The following EXOC3L4 variants were observed in gnomAD, a reference collection of about 807,000 sequenced individuals.
EXOC3L4 encodes the protein exocyst complex component 3-like protein 4.
Under a neutral mutation model 69.7 loss-of-function variants are expected in EXOC3L4, and 62 were observed. The ratio of observed to expected loss-of-function variants is 0.89; its 90% CI spans 0.72 to 1.10. The LOEUF is 1.10. Among genes scored for constraint, EXOC3L4 ranks in the 50% least tolerant of loss-of-function variants. The pLI, the probability that EXOC3L4 is intolerant of heterozygous loss-of-function variation, is 0.00. For synonymous variants in EXOC3L4, 502 were observed against 464.2 expected, an observed-to-expected ratio of 1.08 and a Z score of -1.05; for missense variants, 1,087 against 1,034.8, an observed-to-expected ratio of 1.05 and a Z score of -0.69.
chr14:103,107,570 G>A, intron 9 of EXOC3L4, 27 bp downstream of exon 9: 3 of 1,612,778 alleles, frequency 1.9e-6, no homozygotes, highest in South Asian at 1.1e-5. Flanking sequence ...GGCCCTGGCA[G>A]GGCTGTGCCC....
At chr14:103,103,797 CGTGTGTGTGTGTGT>C (rs56147384) in intron 3 of EXOC3L4, 130 bp from the exon 4 acceptor site, 11 of 433,640 alleles carry the variant, frequency 2.5e-5, no homozygotes, top group Non-Finnish European at 4.0e-5. Flanking sequence ...GGCGCGCGCG[CGTGTGTGTGTGTGT>C]GTGTGTGTGT....
intron 5 of EXOC3L4, 107 bp downstream of exon 5, chr14:103,104,496 TA>T (rs1890420183): frequency 7.2e-7 from 1 of 1,389,692 alleles, no homozygotes; most frequent in Admixed American, 3.2e-5. Flanking sequence ...ACCCTTCCGT[TA>T]GATGGGAGCC....
Position 103,104,772 on chromosome 14 carries a change from T to C in EXOC3L4, c.1319T>C (p.Ile440Thr). ...VAEHVKAAGA[I>T]SAELEATTLR... ...GAGCACGTGAAGGCGGCCGGCGCCA[T>C]CTCCGCGGAGCTGGAGGCCACCACC... Residue 440 changes from isoleucine to threonine, a missense_variant, in exon 6 of 12, where the codon ATC becomes ACC. By Grantham distance (89) the Ile-to-Thr change is moderately conservative. Transcript: ENST00000688303. 1 of 1,524,328 alleles carries C rather than the reference T, an allele frequency of 6.6e-7. No homozygotes were observed. The highest frequency in any genetic ancestry group is 2.1e-5 in the Admixed American group (1 of 48,686). 94.4% of individuals were successfully genotyped at this position (1,524,328 alleles called of 1,614,324 possible).
chr14:103,107,930 G>A, intron 10 of EXOC3L4, 147 bp downstream of exon 10: 2 of 1,240,302 alleles, frequency 1.6e-6, no homozygotes, highest in Non-Finnish European at 2.2e-6. Flanking sequence ...CGCCTGTGGG[G>A]CTGGGGGGTG....
chr14:103,096,346 C>A (rs1889882929), intron 1 of EXOC3L4, among the ~76,000 whole-genome samples: 2 of 150,714 alleles, frequency 1.3e-5, no homozygotes, highest in Non-Finnish European at 2.9e-5. Flanking sequence ...AGTGACACAG[C>A]GAGACCTCGT....
At position 103,110,475 on chromosome 14, in the gene EXOC3L4, G is replaced by A. The variant is rs370794860; in HGVS notation, c.*252G>A. On this transcript the variant is annotated 3_prime_UTR_variant, in exon 12 of 12. Transcript: ENST00000688303. ...AATGCTGCCTATCGGGCGGGGGGGG[G>A]CCTCCCGCCCGACTGTCCAGCTTCA... 2.8e-5 allele frequency: 16 copies of A among 580,180 alleles called. No individual in the cohort carries two copies. Among genetic ancestry groups the A allele is most frequent in the African/African-American group, 5.8e-5 (3 of 51,914 alleles). 35.9% of individuals were successfully genotyped at this position (580,180 alleles called of 1,614,324 possible). A position where few individuals can be genotyped will look rare whatever the true frequency, so the allele number is the denominator to read the frequency against.
At position 103,106,781 on chromosome 14, in the gene EXOC3L4, C is replaced by T. The variant is rs1474696174; in HGVS notation, c.1467-4C>T. The stretch of plus-strand genomic sequence containing the variant: ...CCTCATCGCTGGTCCTGGCCCCTCC[C>T]CAGGACCAGTCTTCTCTCCAGGTTC... On this transcript the variant is annotated splice_polypyrimidine_tract_variant and splice_region_variant and intron_variant, in intron 7 of 11. Coordinates refer to ENST00000688303, the MANE Select transcript of EXOC3L4 (RefSeq NM_001077594.2). 3 of 1,567,142 alleles carry T rather than the reference C, an allele frequency of 1.9e-6. No homozygotes were observed. Among genetic ancestry groups the T allele is most frequent in the African/African-American group, 1.3e-5 (1 of 74,168 alleles).
intron 11 of EXOC3L4, 114 bp downstream of exon 11, chr14:103,108,631 G>T (rs41301467): frequency 1.4e-6 from 2 of 1,423,082 alleles, no homozygotes; most frequent in Admixed American, 2.1e-5. Flanking sequence ...AAGACCAGAG[G>T]CAGGAGGTAG....
At chr14:103,100,641 A>T (rs1464800476) in intron 2 of EXOC3L4, 28 bp downstream of exon 2, 1 of 1,578,646 alleles carries the variant, frequency 6.3e-7, no homozygotes. Flanking sequence ...AACACGAAGC[A>T]TGAAAGGAAA....
At chr14:103,102,793 C>T (rs1176767396) in intron 3 of EXOC3L4, 21 bp downstream of exon 3, 3 of 1,324,730 alleles carry the variant, frequency 2.3e-6, no homozygotes, top group East Asian at 3.1e-5. Flanking sequence ...GCCAGGGCGC[C>T]CAGTGGCGAG....
rs1420929690 is a variant in EXOC3L4, at chr14:103,104,064, C to T, written c.1161+12C>T. 5 of 1,546,282 alleles carry T rather than the reference C, an allele frequency of 3.2e-6. No individual in the cohort carries two copies. The Admixed American group carries it at 5.7e-5, about 18-fold the overall frequency. ...CCAGCTTCCTGGAGGTCAGGCCGGGCGGGTCAGGCTGGGCGGGCCAGGCTG... is the reference window on the plus strand; with the variant it reads ...CCAGCTTCCTGGAGGTCAGGCCGGGTGGGTCAGGCTGGGCGGGCCAGGCTG... On this transcript the variant is annotated intron_variant, in intron 4 of 11. Coordinates refer to ENST00000688303, the MANE Select transcript of EXOC3L4 (RefSeq NM_001077594.2).
chr14:103,104,441 A>G, intron 5 of EXOC3L4, 52 bp downstream of exon 5: 2 of 1,468,644 alleles, frequency 1.4e-6, no homozygotes, highest in South Asian at 2.7e-5. Context: ...AGCCTCACGC[A>G]CACGGTGGCG....
In EXOC3L4 at chr14:103,100,187, C is replaced by T. The variant is rs1206104976; in HGVS notation, c.-16-17C>T. The T allele has an allele frequency of 6.5e-7, 1 of 1,535,400 alleles. No individual in the cohort carries two copies. The highest frequency in any genetic ancestry group is 1.3e-5 in the South Asian group (1 of 79,772). On this transcript the variant is annotated splice_polypyrimidine_tract_variant and intron_variant, in intron 1 of 11. Coordinates refer to ENST00000688303, the MANE Select transcript of EXOC3L4 (RefSeq NM_001077594.2). ...GTTTCTGCATCTGCTCCTATGGCCACTCCTTCTTGCCCCCAGCTCTCCTGC... is the reference window on the plus strand; with the variant it reads ...GTTTCTGCATCTGCTCCTATGGCCATTCCTTCTTGCCCCCAGCTCTCCTGC...
chr14:103,110,467 G>C lies in EXOC3L4; in HGVS notation c.*244G>C, dbSNP rs759519570. On this transcript the variant is annotated 3_prime_UTR_variant, in exon 12 of 12. Coordinates refer to ENST00000688303, the MANE Select transcript of EXOC3L4 (RefSeq NM_001077594.2). The stretch of plus-strand genomic sequence containing the variant: ...GAGCTCTCAATGCTGCCTATCGGGC[G>C]GGGGGGGGCCTCCCGCCCGACTGTC... 3.0e-4 allele frequency: 28 copies of C among 94,622 alleles called. 1 individual carries two copies. Among genetic ancestry groups the C allele is most frequent in the South Asian group, 1.4e-3 (17 of 11,826 alleles). 5.9% of individuals were successfully genotyped at this position (94,622 alleles called of 1,614,324 possible).
intron 10 of EXOC3L4, 135 bp from the exon 11 acceptor site, chr14:103,108,261 G>C (rs773810577): frequency 1.5e-6 from 2 of 1,349,490 alleles, no homozygotes; most frequent in Admixed American, 2.2e-5. Flanking sequence ...AGGCAGTCCC[G>C]GCACCGAGCC....
Position 103,110,211 on chromosome 14 carries a change from C to A in EXOC3L4, c.2157C>A (p.Ile719=). ...IKVPSAMAVL[I]TCV ...TGCCCAGTGCCATGGCTGTGCTGAT[C>A]ACCTGCGTCTAGTTCTCTCTGGCTC... is the stretch of plus-strand genomic sequence containing the variant. Residue 719 remains isoleucine, a synonymous_variant, in exon 12 of 12, where the codon ATC becomes ATA. Coordinates refer to ENST00000688303, the MANE Select transcript of EXOC3L4 (RefSeq NM_001077594.2). 6.6e-7 allele frequency: 1 copy of A among 1,509,072 alleles called. No homozygotes were observed. The highest frequency in any genetic ancestry group is 1.3e-5 in the South Asian group (1 of 78,136). 93.5% of individuals were successfully genotyped at this position (1,509,072 alleles called of 1,614,324 possible). A position where few individuals can be genotyped will look rare whatever the true frequency, so the allele number is the denominator to read the frequency against.
Sources: allele counts gnomAD v4.1 joint callset (sites outside exome capture counted in the v4.1 genomes callset), GRCh38; gene constraint gnomAD v4.1.1; transcripts MANE v1.5; gene names NCBI Gene and HGNC (gene_info 2026-07-23, HGNC 2026-07-21).